The following FGD4 variants were observed in gnomAD, a reference collection of about 807,000 sequenced individuals.
The protein encoded by FGD4 is FYVE, RhoGEF and PH domain containing 4.
FGD4 carries 42 observed loss-of-function variants against 102.0 expected under a neutral mutation model. That is an observed-to-expected ratio of 0.41 (90% CI 0.32 to 0.53). The LOEUF (loss-of-function observed/expected upper bound fraction) is 0.53. Among genes scored for constraint, FGD4 ranks in the 20% least tolerant of loss-of-function variants. The probability of loss-of-function intolerance (pLI) is 0.21; values close to 1 mark genes in which losing one functional copy is unlikely to be tolerated. For missense variants in FGD4, 902 were observed against 1,078.2 expected (o/e 0.84, Z 2.29); for synonymous variants, 380 against 375.7 (o/e 1.01, Z -0.13).
chr12:32,636,875 T>C (rs1183963494), intron 15 of FGD4, among the ~76,000 whole-genome samples: 1 of 136,368 alleles, frequency 7.3e-6, no homozygotes, highest in African/African-American at 3.2e-5. Context: ...TTTTTTTTCT[T>C]TTTTTTTTTT....
chr12:32,566,839 C>G (rs11052079), intron 2 of FGD4, among the ~76,000 whole-genome samples: 13,628 of 152,206 alleles, frequency 0.09, 781 homozygotes, highest in Middle Eastern at 0.19. Flanking sequence ...CACTGCAAAT[C>G]CCTTACAAGT....
At chr12:32,532,477 G>A (rs945600260) in intron 1 of FGD4, among the ~76,000 whole-genome samples, 3 of 151,990 alleles carry the variant, frequency 2.0e-5, no homozygotes, top group African/African-American at 7.2e-5. Context: ...TCTTCTGTAA[G>A]ATGGTGATAA....
intron 1 of FGD4, among the ~76,000 whole-genome samples, chr12:32,410,020 A>AG (rs897233963): frequency 9.2e-5 from 14 of 151,746 alleles, no homozygotes; most frequent in African/African-American, 3.4e-4. Flanking sequence ...AAAAAAAAAA[A>AG]AAAAAGTCAA....
Position 32,506,042 on chromosome 12 carries a change from A to G in FGD4, c.167-58095A>G, listed in dbSNP as rs1168334812. On this transcript the variant is annotated intron_variant, in intron 1 of 16. Transcript: ENST00000534526. The surrounding 1 kb of genome is among the most constrained non-coding windows in gnomAD (Gnocchi z 4.5). ...TTTTAAAGAAGAACCTGAGGCCCAT[A>G]AAGATTAAGCAGCTTTTCCAAGGTC... Among the ~76,000 whole-genome samples the G allele has an allele frequency of 1.3e-5, 2 of 152,214 alleles. No individual in the cohort carries two copies. Among genetic ancestry groups the G allele is most frequent in the African/African-American group, 2.4e-5 (1 of 41,450 alleles).
intron 1 of FGD4, among the ~76,000 whole-genome samples, chr12:32,469,118 G>A (rs1035915532): frequency 1.1e-4 from 17 of 151,922 alleles, no homozygotes; most frequent in Admixed American, 3.3e-4. Context: ...GAGCCATTGC[G>A]CCCGGCCTAT....
intron 1 of FGD4, chr12:32,502,121 C>T: frequency 5.1e-6 from 5 of 985,446 alleles, no homozygotes; most frequent in Non-Finnish European, 6.0e-6. Flanking sequence ...GGCTGGTTAC[C>T]ATGGAATCCA....
At chr12:32,607,253 T>G (rs1409816513) in intron 7 of FGD4, among the ~76,000 whole-genome samples, 1 of 152,184 alleles carries the variant, frequency 6.6e-6, no homozygotes, top group African/African-American at 2.4e-5. Flanking sequence ...ACTTCAGTGT[T>G]ATAGAAATAT....
chr12:32,474,360 A>G (rs554125847), intron 1 of FGD4, among the ~76,000 whole-genome samples: 73 of 152,346 alleles, frequency 4.8e-4, no homozygotes, highest in African/African-American at 1.7e-3. Context: ...TGTCCAGCTG[A>G]TGAATAGGTA....
chr12:32,624,748 A>T, intron 12 of FGD4: 1 of 637,530 alleles, frequency 1.6e-6, no homozygotes, highest in Non-Finnish European at 2.8e-6. Flanking sequence ...TGCTGGGATT[A>T]CAGGTGTGAG....
At chr12:32,512,446 CAA>C (rs764927551) in intron 1 of FGD4, among the ~76,000 whole-genome samples, 13 of 130,228 alleles carry the variant, frequency 1.0e-4, no homozygotes, top group Admixed American at 1.5e-4. Context: ...GACTCTGTCT[CAA>C]AAAAAAAAAA....
intron 15 of FGD4, among the ~76,000 whole-genome samples, chr12:32,637,456 C>T (rs1344980835): frequency 1.3e-5 from 2 of 151,696 alleles, no homozygotes; most frequent in Non-Finnish European, 2.9e-5. Flanking sequence ...ATTAGCCAAG[C>T]GTGGTGGTGA....
chr12:32,441,387 T>C (rs899001187), intron 1 of FGD4, among the ~76,000 whole-genome samples: 1 of 151,994 alleles, frequency 6.6e-6, no homozygotes, highest in African/African-American at 2.4e-5. Flanking sequence ...CTGGGTCCTT[T>C]CCTTCAAGGC....
intron 2 of FGD4, among the ~76,000 whole-genome samples, chr12:32,565,922 C>T (rs1183665258): frequency 6.6e-6 from 1 of 152,212 alleles, no homozygotes; most frequent in Admixed American, 6.5e-5. Flanking sequence ...AGTGTTTGGC[C>T]TTTCCCTGAT....
intron 1 of FGD4, among the ~76,000 whole-genome samples, chr12:32,517,306 A>G (rs959351408): frequency 2.6e-5 from 4 of 152,024 alleles, no homozygotes; most frequent in Admixed American, 1.3e-4. Flanking sequence ...TGCCTTCTCA[A>G]TTGTCATTTC....
At chr12:32,494,704 A>G (rs1937681611) in intron 1 of FGD4, among the ~76,000 whole-genome samples, 1 of 152,176 alleles carries the variant, frequency 6.6e-6, no homozygotes, top group Admixed American at 6.5e-5. Context: ...TGAGAAGGCC[A>G]GGGAGGAAAG....
At chr12:32,452,526 T>C (rs1385508096) in intron 1 of FGD4, among the ~76,000 whole-genome samples, 2 of 152,236 alleles carry the variant, frequency 1.3e-5, no homozygotes, top group South Asian at 2.1e-4. Context: ...GCAGTTACAC[T>C]GCAAAGTAAT....
chr12:32,632,693 A>ATT (rs1181555047), intron 14 of FGD4, among the ~76,000 whole-genome samples: 83 of 133,730 alleles, frequency 6.2e-4, no homozygotes, highest in African/African-American at 2.0e-3. Flanking sequence ...TTTTATTTTT[A>ATT]TTTATTTATT....
intron 1 of FGD4, among the ~76,000 whole-genome samples, chr12:32,400,460 A>G (rs1940610266): frequency 6.6e-6 from 1 of 152,216 alleles, no homozygotes. Context: ...AAAAGCGGCA[A>G]GGAAAGCTGT....
chr12:32,557,457 G>C (rs1167958828), intron 1 of FGD4, among the ~76,000 whole-genome samples: 2 of 152,024 alleles, frequency 1.3e-5, no homozygotes, highest in African/African-American at 4.8e-5. Flanking sequence ...ATGTCTTGGA[G>C]ACCTCTCAAT....
Sources: gnomAD v4.1 joint callset for allele counts (sites outside exome capture counted in the v4.1 genomes callset) on GRCh38, gnomAD v4.1.1 for gene constraint, Gnocchi (gnomAD v3.1) non-coding constraint, MANE v1.5 for transcripts, NCBI Gene and HGNC (gene_info 2026-07-23, HGNC 2026-07-21) for gene names.